GLRB: variants seen among roughly 807,000 people sequenced by gnomAD.
The protein encoded by GLRB is glycine receptor subunit beta.
A neutral mutation model predicts 54.2 loss-of-function variants in GLRB; 33 were observed. That is an observed-to-expected ratio of 0.61 (90% CI 0.46 to 0.81). The LOEUF is 0.81. Ranked by LOEUF, GLRB falls within the 40% of genes least tolerant of loss-of-function variation. The probability of loss-of-function intolerance (pLI) is 0.00; values close to 1 mark genes in which losing one functional copy is unlikely to be tolerated. For missense variants in GLRB, 572 were observed against 584.6 expected (o/e 0.98, Z 0.22); for synonymous variants, 209 against 208.2 (o/e 1.00, Z -0.03).
intron 2 of GLRB, among the ~76,000 whole-genome samples, chr4:157,116,418 A>G (rs970805660): frequency 2.0e-5 from 3 of 151,788 alleles, no homozygotes; most frequent in Non-Finnish European, 4.4e-5. Flanking sequence ...AGCATAGTCA[A>G]ATGCATAAAA....
chr4:157,086,829 T>C (rs1187006253), intron 2 of GLRB, among the ~76,000 whole-genome samples: 1 of 152,152 alleles, frequency 6.6e-6, no homozygotes, highest in Non-Finnish European at 1.5e-5. Context: ...AAGTTAAAAG[T>C]ATTTAGAACT....
chr4:157,152,955 C>A lies in GLRB; in HGVS notation c.1142C>A (p.Ala381Asp), dbSNP rs765878523. The A allele has an allele frequency of 6.2e-7, 1 of 1,613,766 alleles. No individual in the cohort carries two copies. Among genetic ancestry groups the A allele is most frequent in the African/African-American group, 1.3e-5 (1 of 74,894 alleles). The change falls in exon 9 of 10, where the codon GCT (alanine) becomes GAT (aspartate). Residue 381 changes from alanine to aspartate, a missense_variant. Coordinates refer to ENST00000264428, the MANE Select transcript of GLRB (RefSeq NM_000824.5). Reference sequence around the variant, plus strand: ...GCAGATGGAAAAGGTGGAAATGTGGCTAAAAAGAATACTGTGAATGGAACA... The same window carrying A: ...GCAGATGGAAAAGGTGGAAATGTGGATAAAAAGAATACTGTGAATGGAACA... ...EQADGKGGNV[A>D]KKNTVNGTGT...
chr4:157,137,890 G>A (rs1736463232), intron 6 of GLRB, among the ~76,000 whole-genome samples: 2 of 152,096 alleles, frequency 1.3e-5, no homozygotes, highest in African/African-American at 4.8e-5. Flanking sequence ...ACACTTTTGA[G>A]TTCGATACTA....
intron 4 of GLRB, among the ~76,000 whole-genome samples, chr4:157,135,143 C>T (rs1254323987): frequency 1.3e-5 from 2 of 151,980 alleles, no homozygotes. Context: ...GGTCATTGAT[C>T]ACAATAAAGG....
chr4:157,081,793 A>G (rs1474334473), intron 2 of GLRB, among the ~76,000 whole-genome samples: 1 of 152,116 alleles, frequency 6.6e-6, no homozygotes, highest in Non-Finnish European at 1.5e-5. Flanking sequence ...TATTTTCCCA[A>G]TAGTGTCTTG....
intron 9 of GLRB, among the ~76,000 whole-genome samples, chr4:157,168,534 A>G (rs911513284): frequency 6.6e-6 from 1 of 152,200 alleles, no homozygotes; most frequent in Non-Finnish European, 1.5e-5. Flanking sequence ...TCAAAGTCCT[A>G]TTGAACAAGG....
intron 2 of GLRB, among the ~76,000 whole-genome samples, chr4:157,102,809 C>G (rs1202677175): frequency 6.6e-6 from 1 of 152,110 alleles, no homozygotes; most frequent in Non-Finnish European, 1.5e-5. Context: ...ACATGTATCC[C>G]ATGTTCACCT....
chr4:157,110,465 C>T (rs1176221132), intron 2 of GLRB, among the ~76,000 whole-genome samples: 1 of 151,866 alleles, frequency 6.6e-6, no homozygotes, highest in East Asian at 1.9e-4. Context: ...TTATATTCTT[C>T]AGCTTCAAGG....
intron 8 of GLRB, among the ~76,000 whole-genome samples, chr4:157,144,423 T>C (rs1736733402): frequency 6.6e-6 from 1 of 152,186 alleles, no homozygotes; most frequent in South Asian, 2.1e-4. Flanking sequence ...TTGTGTGCTA[T>C]ATCAGGGCTG....
intron 2 of GLRB, among the ~76,000 whole-genome samples, chr4:157,109,102 G>A (rs1352292178): frequency 6.6e-6 from 1 of 151,918 alleles, no homozygotes; most frequent in Non-Finnish European, 1.5e-5. Flanking sequence ...ATATGCACTG[G>A]GAAACCAAAA....
intron 4 of GLRB, among the ~76,000 whole-genome samples, chr4:157,133,126 A>G (rs1221814956): frequency 1.3e-5 from 2 of 151,988 alleles, no homozygotes; most frequent in African/African-American, 4.8e-5. Context: ...GAATGCTGTC[A>G]ATAGTAATGT....
In GLRB at chr4:157,078,012, T is replaced by G; in HGVS notation, c.-13T>G. 1.2e-6 allele frequency: 2 copies of G among 1,604,330 alleles called. No individual in the cohort carries two copies. Among genetic ancestry groups the G allele is most frequent in the Non-Finnish European group, 1.7e-6 (2 of 1,172,096 alleles). On this transcript the variant is annotated 5_prime_UTR_variant, in exon 2 of 10. In the 5' UTR this introduces an upstream ATG that the reference lacks. Coordinates refer to ENST00000264428, the MANE Select transcript of GLRB (RefSeq NM_000824.5). ...CTCTTGTAGATCGATCTTCTGAAAT[T>G]CAAGTTTTCAAGATGAAGTTTTTAT...
intron 2 of GLRB, among the ~76,000 whole-genome samples, chr4:157,114,778 G>A (rs1434349949): frequency 6.6e-6 from 1 of 151,800 alleles, no homozygotes; most frequent in Non-Finnish European, 1.5e-5. Context: ...ACTAGGTTAT[G>A]TGGTTTTTGA....
chr4:157,088,150 T>C (rs950415480), intron 2 of GLRB, among the ~76,000 whole-genome samples: 6 of 152,132 alleles, frequency 3.9e-5, no homozygotes, highest in Non-Finnish European at 5.9e-5. Context: ...TTACTCTTCG[T>C]ATAAGAAAAC....
At chr4:157,160,230 C>T (rs1248003211) in intron 9 of GLRB, among the ~76,000 whole-genome samples, 4 of 151,452 alleles carry the variant, frequency 2.6e-5, no homozygotes, top group African/African-American at 9.8e-5. Flanking sequence ...CTCTTTTCTT[C>T]TTTATTAGTC....
chr4:157,163,289 A>C (rs1413356928), intron 9 of GLRB, among the ~76,000 whole-genome samples: 1 of 152,032 alleles, frequency 6.6e-6, no homozygotes, highest in Non-Finnish European at 1.5e-5. Flanking sequence ...CTTCCCTGTG[A>C]GGCAGTGCCC....
At chr4:157,153,877 G>A (rs558294962) in intron 9 of GLRB, among the ~76,000 whole-genome samples, 1 of 152,250 alleles carries the variant, frequency 6.6e-6, no homozygotes, top group Non-Finnish European at 1.5e-5. Flanking sequence ...TCCCACAATT[G>A]CTCTATCAGT....
At chr4:157,151,711 A>T (rs1381363064) in intron 8 of GLRB, among the ~76,000 whole-genome samples, 1 of 152,108 alleles carries the variant, frequency 6.6e-6, no homozygotes, top group Non-Finnish European at 1.5e-5. Context: ...TTGTAATTTC[A>T]TGGGAAGGGA....
At position 157,171,635 on chromosome 4, in the gene GLRB, T is replaced by A. The variant is rs550279365; in HGVS notation, c.*907T>A. The A allele has an allele frequency of 1.7e-3, 254 of 152,476 alleles. 1 individual carries two copies. Among genetic ancestry groups the A allele is most frequent in the African/African-American group, 5.8e-3 (243 of 41,566 alleles). 9.4% of individuals were successfully genotyped at this position (152,476 alleles called of 1,614,324 possible). Reference sequence around the variant, plus strand: ...AGTAATAAGTTGAAAAAGAAATCCATAACTATTAAAAGATTTTAACTTTTT... The same window carrying A: ...AGTAATAAGTTGAAAAAGAAATCCAAAACTATTAAAAGATTTTAACTTTTT... On this transcript the variant is annotated 3_prime_UTR_variant, in exon 10 of 10. Transcript: ENST00000264428.
Sources: gnomAD v4.1 joint callset for allele counts (sites outside exome capture counted in the v4.1 genomes callset) on GRCh38, gnomAD v4.1.1 for gene constraint, MANE v1.5 for transcripts, NCBI Gene and HGNC (gene_info 2026-07-23, HGNC 2026-07-21) for gene names.